PUM1: variants seen among roughly 807,000 people sequenced by gnomAD.
PUM1 encodes pumilio RNA binding family member 1, also known as pumilio homolog 1.
In PUM1, 13 loss-of-function variants were observed where a neutral mutation model predicts 131.8. That is an observed-to-expected ratio of 0.10 (90% CI 0.06 to 0.16). The LOEUF (loss-of-function observed/expected upper bound fraction) is 0.16. Among genes scored for constraint, PUM1 ranks in the 10% least tolerant of loss-of-function variants. The probability of loss-of-function intolerance (pLI) is 1.00; values close to 1 mark genes in which losing one functional copy is unlikely to be tolerated. For missense variants in PUM1, 961 were observed against 1,512.4 expected (o/e 0.64, Z 6.05); for synonymous variants, 509 against 556.5 (o/e 0.91, Z 1.20).
intron 3 of PUM1, among the ~76,000 whole-genome samples, chr1:31,011,164 TACACACACACACACACACACACACAC>T (rs138764103): frequency 7.0e-6 from 1 of 142,976 alleles, no homozygotes; most frequent in African/African-American, 2.7e-5. Context: ...TCTCTTAAAA[TACACACACACACACACACACACACAC>T]ACACACACAC....
At chr1:31,038,978 ATATATATTTTT>A (rs1402950582) in intron 2 of PUM1, among the ~76,000 whole-genome samples, 1 of 30,034 alleles carries the variant, frequency 3.3e-5, no homozygotes, top group Non-Finnish European at 5.3e-5. Context: ...ATATATATAT[ATATATATTTTT>A]TTTTTTTTTT....
intron 2 of PUM1, among the ~76,000 whole-genome samples, chr1:31,038,203 TAAAA>T (rs901692691): frequency 1.1e-4 from 16 of 142,704 alleles, no homozygotes; most frequent in Admixed American, 4.2e-4. Flanking sequence ...AGCTAAAGGT[TAAAA>T]AAAAAAAAGA....
chr1:30,959,430 G>A (rs969196407), intron 14 of PUM1, among the ~76,000 whole-genome samples: 3 of 151,620 alleles, frequency 2.0e-5, no homozygotes, highest in Non-Finnish European at 2.9e-5. Context: ...GAATGCAGTT[G>A]GATTAATATC....
At chr1:30,935,568 G>C (rs1639172147) in intron 21 of PUM1, 1 of 428,524 alleles carries the variant, frequency 2.3e-6, no homozygotes, top group African/African-American at 2.0e-5. Context: ...GCCTTCACCA[G>C]CATCCTGAAA....
chr1:30,997,087 G>T (rs1642006253), intron 5 of PUM1, among the ~76,000 whole-genome samples: 1 of 152,128 alleles, frequency 6.6e-6, no homozygotes, highest in Non-Finnish European at 1.5e-5. Context: ...AACAGCAAAA[G>T]AATATTACAA....
chr1:30,934,613 G>A (rs531725840), intron 21 of PUM1, among the ~76,000 whole-genome samples: 4 of 152,244 alleles, frequency 2.6e-5, no homozygotes, highest in East Asian at 1.9e-4. Flanking sequence ...CCTGTAAAAC[G>A]GCGTATGCAA....
At chr1:31,046,177 G>A (rs73596149) in intron 2 of PUM1, among the ~76,000 whole-genome samples, 2 of 152,058 alleles carry the variant, frequency 1.3e-5, no homozygotes, top group Middle Eastern at 6.8e-3. Flanking sequence ...ACCTGAGGTC[G>A]GGAGGTCGAA....
chr1:30,931,570 A>G lies in PUM1; in HGVS notation c.*1641T>C, dbSNP rs1443754363. The G allele has an allele frequency of 2.0e-5, 3 of 152,686 alleles. No individual in the cohort carries two copies. Among genetic ancestry groups the G allele is most frequent in the Non-Finnish European group, 4.4e-5 (3 of 68,048 alleles). 9.5% of individuals were successfully genotyped at this position (152,686 alleles called of 1,614,324 possible). On this transcript the variant is annotated 3_prime_UTR_variant, in exon 22 of 22. Transcript: ENST00000426105. ...ACATTGTTTAGAGACAATCTACACA[A>G]GAGTTACAAAAAATAGTTGCCCAGG...
chr1:30,998,101 T>C (rs1237456375), intron 5 of PUM1, among the ~76,000 whole-genome samples: 1 of 152,256 alleles, frequency 6.6e-6, no homozygotes, highest in Non-Finnish European at 1.5e-5. Context: ...GGGAAGTTTC[T>C]AATTCTTGAT....
chr1:31,048,629 C>T (rs1313234270), intron 2 of PUM1, among the ~76,000 whole-genome samples: 1 of 151,742 alleles, frequency 6.6e-6, no homozygotes, highest in Non-Finnish European at 1.5e-5. Flanking sequence ...CGCGTGCCAC[C>T]ATGCCCAGCT....
At chr1:30,950,332 A>G in intron 16 of PUM1, 71 bp from the exon 17 acceptor site, 4 of 1,503,316 alleles carry the variant, frequency 2.7e-6, no homozygotes, top group Non-Finnish European at 3.6e-6. Flanking sequence ...CAAAGCATTC[A>G]TTATTCTGCA....
intron 3 of PUM1, among the ~76,000 whole-genome samples, chr1:31,012,891 A>G (rs1274274325): frequency 6.6e-6 from 1 of 152,236 alleles, no homozygotes; most frequent in African/African-American, 2.4e-5. Flanking sequence ...ACTTTATTTT[A>G]AACTAGTTTT....
intron 14 of PUM1, among the ~76,000 whole-genome samples, chr1:30,957,414 C>G (rs75620546): frequency 6.6e-6 from 1 of 152,158 alleles, no homozygotes; most frequent in East Asian, 1.9e-4. Context: ...TCACAATAGT[C>G]TGAATACCAA....
In PUM1 at chr1:30,944,403, AAAAC is replaced by A. The variant is rs987601561; in HGVS notation, c.2994+939_2994+942del. On this transcript the variant is annotated intron_variant, in intron 18 of 21. Coordinates refer to ENST00000426105, the MANE Select transcript of PUM1 (RefSeq NM_001020658.2). The stretch of plus-strand genomic sequence containing the variant: ...AGGACTTTGTGTTTTGGAAAAAAAC[AAAAC>A]AAACAAACAAACAAAAAAACACAAA... 5.6e-4 allele frequency among the ~76,000 whole-genome samples: 86 copies of A among 152,300 alleles called. 1 individual carries two copies. Among genetic ancestry groups the A allele is most frequent in the African/African-American group, 1.3e-3 (53 of 41,568 alleles).
At chr1:30,942,365 A>G (rs1021358504) in intron 18 of PUM1, among the ~76,000 whole-genome samples, 1 of 151,558 alleles carries the variant, frequency 6.6e-6, no homozygotes, top group African/African-American at 2.4e-5. Flanking sequence ...TGCACAATTC[A>G]GAGCTGAAAA....
At position 30,992,651 on chromosome 1, in the gene PUM1, A is replaced by G; in HGVS notation, c.897T>C (p.Pro299=). The G allele has an allele frequency of 1.2e-6, 2 of 1,613,346 alleles. No individual in the cohort carries two copies. The highest frequency in any genetic ancestry group is 1.7e-6 in the Non-Finnish European group (2 of 1,179,402). The change falls in exon 7 of 22, where the codon CCT becomes CCC. Residue 299 remains proline (P), a synonymous_variant. Transcript: ENST00000426105. ...DADVKDFSRT[P]GNCQNSANEV... is the part of the protein sequence containing the mutation. ...CATTAGCAGAGTTCTGGCAATTACC[A>G]GGGGTACGGCTAAACAGAGAAAGTA... is the stretch of plus-strand genomic sequence containing the variant.
At chr1:31,063,897 T>G (rs1272775981) in intron 1 of PUM1, among the ~76,000 whole-genome samples, 1 of 152,206 alleles carries the variant, frequency 6.6e-6, no homozygotes, top group Non-Finnish European at 1.5e-5. Context: ...ACATGTTATC[T>G]TGGGTAGTTT....
chr1:31,063,719 G>C (rs1644416342), intron 1 of PUM1, among the ~76,000 whole-genome samples: 1 of 152,152 alleles, frequency 6.6e-6, no homozygotes, highest in African/African-American at 2.4e-5. Flanking sequence ...AAAAGGAATG[G>C]GGGAAAGAAA....
chr1:31,015,278 A>C (rs779079731), intron 3 of PUM1, among the ~76,000 whole-genome samples: 2 of 152,212 alleles, frequency 1.3e-5, no homozygotes, highest in Admixed American at 6.5e-5. Context: ...TCTGAAATTC[A>C]CTGCAAATAA....
Sources: gnomAD v4.1 joint callset for allele counts (sites outside exome capture counted in the v4.1 genomes callset) on GRCh38, gnomAD v4.1.1 for gene constraint, MANE v1.5 for transcripts, NCBI Gene and HGNC (gene_info 2026-07-23, HGNC 2026-07-21) for gene names.